HRK: variants seen among roughly 807,000 people sequenced by gnomAD.
HRK encodes the protein activator of apoptosis harakiri.
In HRK, 6 loss-of-function variants were observed where a neutral mutation model predicts 5.9. That is an observed-to-expected ratio of 1.02 (90% CI 0.56 to 2.01). The LOEUF is 2.01. Among genes scored for constraint, HRK ranks in the 30% most tolerant of loss-of-function variants. HRK has a pLI of 0.00. For synonymous variants in HRK, 85 were observed against 65.1 expected (o/e 1.31, Z -1.47); for missense variants, 133 against 128.3 (o/e 1.04, Z -0.18).
chr12:116,877,843 G>C (rs191967642), intron 1 of HRK, among the ~76,000 whole-genome samples: 1 of 152,238 alleles, frequency 6.6e-6, no homozygotes, highest in East Asian at 1.9e-4. Flanking sequence ...GAAAAGTATT[G>C]CTGGTTCGCA....
At chr12:116,870,582 G>A (rs1022589159) in intron 1 of HRK, among the ~76,000 whole-genome samples, 5 of 152,178 alleles carry the variant, frequency 3.3e-5, no homozygotes, top group African/African-American at 1.2e-4. Context: ...GAAGGCTAAG[G>A]CAGAAAGACT....
In HRK at chr12:116,879,951, T is replaced by C. The variant is rs76030079; in HGVS notation, c.*56+1025A>G. ...CAGCCTGATTCTCTCTCCCTCATTC[T>C]CTGCAGCGCTCCTCGCTACTCCAGG... On this transcript the variant is annotated intron_variant, in intron 1 of 1. Transcript: ENST00000257572. The surrounding 1 kb of genome is among the most constrained non-coding windows in gnomAD (Gnocchi z 5.6). Among the ~76,000 whole-genome samples the C allele has an allele frequency of 0.012, 1,900 of 152,278 alleles. 81 individuals carry two copies. Among genetic ancestry groups the C allele is most frequent in the East Asian group, 0.11 (554 of 5,154 alleles).
In HRK at chr12:116,856,238, C is replaced by T. The variant is rs916774927; in HGVS notation, c.*5285G>A. 5.3e-5 allele frequency: 8 copies of T among 152,212 alleles called. No homozygotes were observed. The highest frequency in any genetic ancestry group is 1.9e-4 in the African/African-American group (8 of 41,458). 9.4% of individuals were successfully genotyped at this position (152,212 alleles called of 1,614,324 possible). A position where few individuals can be genotyped will look rare whatever the true frequency, so the allele number is the denominator to read the frequency against. ...TTCCTCTTACAAAAGAGCACAACGACGTCAGAACCAACAACGTCAGAACCC... is the reference window on the plus strand; with the variant it reads ...TTCCTCTTACAAAAGAGCACAACGATGTCAGAACCAACAACGTCAGAACCC... On this transcript the variant is annotated 3_prime_UTR_variant, in exon 2 of 2. Transcript: ENST00000257572. The surrounding 1 kb of genome is among the most constrained non-coding windows in gnomAD (Gnocchi z 4.4).
In HRK at chr12:116,856,727, A is replaced by G. The variant is rs1474783780; in HGVS notation, c.*4796T>C. ...CTCATGAAGGGACCCAGTGGAGCAG[A>G]GCAGTCAGCTCACGAGCGTGGGGGT... On this transcript the variant is annotated 3_prime_UTR_variant, in exon 2 of 2. Transcript: ENST00000257572. This position sits in a 1 kb window ranked among gnomAD's most constrained non-coding sequence, Gnocchi z 4.4. The G allele has an allele frequency of 6.6e-6, 1 of 152,226 alleles. No homozygotes were observed. Among genetic ancestry groups the G allele is most frequent in the East Asian group, 1.9e-4 (1 of 5,190 alleles). 9.4% of individuals were successfully genotyped at this position (152,226 alleles called of 1,614,324 possible). A position where few individuals can be genotyped will look rare whatever the true frequency, so the allele number is the denominator to read the frequency against.
intron 1 of HRK, among the ~76,000 whole-genome samples, chr12:116,876,101 G>T (rs1190282023): frequency 6.6e-6 from 1 of 152,036 alleles, no homozygotes; most frequent in Non-Finnish European, 1.5e-5. Context: ...CACATCTGGG[G>T]GTATATTTAA....
chr12:116,868,974 T>C (rs1878646183), intron 1 of HRK, among the ~76,000 whole-genome samples: 1 of 151,768 alleles, frequency 6.6e-6, no homozygotes, highest in South Asian at 2.1e-4. Flanking sequence ...CTTCGTTTTT[T>C]TTTTTTTTTA....
intron 1 of HRK, among the ~76,000 whole-genome samples, chr12:116,874,119 G>A (rs1162639202): frequency 6.6e-6 from 1 of 152,158 alleles, no homozygotes; most frequent in South Asian, 2.1e-4. Context: ...ACTAAGAGGT[G>A]AGGGCAGGGG....
intron 1 of HRK, among the ~76,000 whole-genome samples, chr12:116,868,466 G>A (rs1240153071): frequency 6.6e-6 from 1 of 152,210 alleles, no homozygotes; most frequent in East Asian, 1.9e-4. Flanking sequence ...TGACGGAGAT[G>A]GGTTAGATGT....
chr12:116,874,517 G>C (rs1041796932), intron 1 of HRK, among the ~76,000 whole-genome samples: 2 of 152,102 alleles, frequency 1.3e-5, no homozygotes, highest in African/African-American at 4.8e-5. Context: ...CTCTGTGTTA[G>C]ATTGCATAAT....
At position 116,857,553 on chromosome 12, in the gene HRK, A is replaced by G. The variant is rs541220455; in HGVS notation, c.*3970T>C. 1 of 152,338 alleles carries G rather than the reference A, an allele frequency of 6.6e-6. No homozygotes were observed. The highest frequency in any genetic ancestry group is 2.1e-4 in the South Asian group (1 of 4,828). 9.4% of individuals were successfully genotyped at this position (152,338 alleles called of 1,614,324 possible). A position where few individuals can be genotyped will look rare whatever the true frequency, so the allele number is the denominator to read the frequency against. On this transcript the variant is annotated 3_prime_UTR_variant, in exon 2 of 2. Transcript: ENST00000257572. ...ACAATGGTGAGCCACTGTCCCTAAA[A>G]GATACTTGTGTAGGAGGTGGGTGGG...
chr12:116,867,252 C>T lies in HRK; in HGVS notation c.*57-5786G>A, dbSNP rs568298428. ...CGCCACCTTGGTTCAAGCTATTCTC[C>T]GGCCTCAGCCTCCCAAGTAGCTGGG... On this transcript the variant is annotated intron_variant, in intron 1 of 1. Transcript: ENST00000257572. Among the ~76,000 whole-genome samples the T allele has an allele frequency of 1.7e-3, 264 of 152,112 alleles. 2 individuals carry two copies. The highest frequency in any genetic ancestry group is 4.9e-3 in the African/African-American group (202 of 41,500).
intron 1 of HRK, among the ~76,000 whole-genome samples, chr12:116,877,502 C>G (rs1274547826): frequency 6.6e-6 from 1 of 152,236 alleles, no homozygotes; most frequent in Admixed American, 6.5e-5. Context: ...TTAAGAGTCT[C>G]TTAACCATTA....
intron 1 of HRK, among the ~76,000 whole-genome samples, chr12:116,870,073 C>T (rs1359894086): frequency 6.6e-6 from 1 of 150,810 alleles, no homozygotes; most frequent in Non-Finnish European, 1.5e-5. Context: ...GAGTGAGACT[C>T]CATCTAAAAC....
At position 116,860,051 on chromosome 12, in the gene HRK, C is replaced by CTATAGG; in HGVS notation, c.*1466_*1471dup. The CTATAGG allele has an allele frequency of 6.6e-6, 1 of 152,376 alleles. No homozygotes were observed. The highest frequency in any genetic ancestry group is 6.5e-5 in the Admixed American group (1 of 15,306). The allele number at this position is 152,376 out of a possible 1,614,324, so 9.4% of individuals were successfully genotyped here. A position where few individuals can be genotyped will look rare whatever the true frequency, so the allele number is the denominator to read the frequency against. Reference sequence around the variant, plus strand: ...CTAACCAGCCTGCTGGACCCTCTGTCTATAGGTACCGGGTGGTGACCTGCA... The same window carrying CTATAGG: ...CTAACCAGCCTGCTGGACCCTCTGTCTATAGGTATAGGTACCGGGTGGTGACCTGCA... On this transcript the variant is annotated 3_prime_UTR_variant, in exon 2 of 2. Transcript: ENST00000257572.
chr12:116,869,183 T>C (rs576363345), intron 1 of HRK, among the ~76,000 whole-genome samples: 6 of 152,232 alleles, frequency 3.9e-5, no homozygotes, highest in African/African-American at 1.2e-4. Context: ...GATTTCGCCA[T>C]GTTGGCCAGG....
chr12:116,880,575 C>G (rs1427568918), intron 1 of HRK, among the ~76,000 whole-genome samples: 1 of 152,044 alleles, frequency 6.6e-6, no homozygotes, highest in Non-Finnish European at 1.5e-5. Flanking sequence ...GGACCGGGGA[C>G]CTTTCTTGGA....
In HRK at chr12:116,861,164, A is replaced by G. The variant is rs182260192; in HGVS notation, c.*359T>C. 1.3e-5 allele frequency: 2 copies of G among 152,392 alleles called. No homozygotes were observed. Among genetic ancestry groups the G allele is most frequent in the African/African-American group, 4.8e-5 (2 of 41,588 alleles). The allele number at this position is 152,392 out of a possible 1,614,324, so 9.4% of individuals were successfully genotyped here. Reference sequence around the variant, plus strand: ...GACATTACAGAATATCAAAGTTCACATCGCAAGGTGCAGAAAAGGAAGGCA... The same window carrying G: ...GACATTACAGAATATCAAAGTTCACGTCGCAAGGTGCAGAAAAGGAAGGCA... On this transcript the variant is annotated 3_prime_UTR_variant, in exon 2 of 2. Coordinates refer to ENST00000257572, the MANE Select transcript of HRK (RefSeq NM_003806.4).
At chr12:116,880,367 G>T (rs1186179257) in intron 1 of HRK, among the ~76,000 whole-genome samples, 2 of 152,186 alleles carry the variant, frequency 1.3e-5, no homozygotes, top group Non-Finnish European at 2.9e-5. Flanking sequence ...GCAGGGCAGA[G>T]GAAAATTGCA....
rs183096644 is a variant in HRK, at chr12:116,875,606, C to T, written c.*56+5370G>A. On this transcript the variant is annotated intron_variant, in intron 1 of 1. Transcript: ENST00000257572. Reference sequence around the variant, plus strand: ...TCGCCCAGGCTAGAGTACAGTGGCGCGATCTCGGCTCACTGCAACCTCCGC... The same window carrying T: ...TCGCCCAGGCTAGAGTACAGTGGCGTGATCTCGGCTCACTGCAACCTCCGC... Among the ~76,000 whole-genome samples the T allele has an allele frequency of 3.0e-4, 46 of 152,234 alleles. 1 individual carries two copies. The highest frequency in any genetic ancestry group is 1.4e-3 in the Admixed American group (21 of 15,282).
Sources: gnomAD v4.1 joint callset for allele counts (sites outside exome capture counted in the v4.1 genomes callset) on GRCh38, gnomAD v4.1.1 for gene constraint, Gnocchi (gnomAD v3.1) non-coding constraint, MANE v1.5 for transcripts, NCBI Gene and HGNC (gene_info 2026-07-23, HGNC 2026-07-21) for gene names.